Variants in TBCA observed in about 807,000 individuals in gnomAD.
TBCA encodes tubulin-specific chaperone A.
TBCA carries 6 observed loss-of-function variants against 15.8 expected under a neutral mutation model. The observed-to-expected ratio is 0.38, with a 90% CI of 0.21 to 0.75. TBCA has a LOEUF of 0.75. Ranked by LOEUF, TBCA falls within the 30% of genes least tolerant of loss-of-function variation. The probability of loss-of-function intolerance (pLI) is 0.46; values close to 1 mark genes in which losing one functional copy is unlikely to be tolerated. For synonymous variants in TBCA, 32 were observed against 42.3 expected (o/e 0.76, Z 0.94); for missense variants, 90 against 131.2 (o/e 0.69, Z 1.53).
At chr5:77,733,688 G>C (rs1580116315) in intron 1 of TBCA, among the ~76,000 whole-genome samples, 1 of 152,186 alleles carries the variant, frequency 6.6e-6, no homozygotes, top group East Asian at 1.9e-4. Context: ...AAGTGCAAGG[G>C]GAAGCAGCAA....
chr5:77,702,988 G>A (rs1290569717), intron 2 of TBCA, among the ~76,000 whole-genome samples: 1 of 152,088 alleles, frequency 6.6e-6, no homozygotes, highest in African/African-American at 2.4e-5. Flanking sequence ...TTTGTTGACT[G>A]AAGCCTCCTA....
chr5:77,710,113 C>T (rs1349559113), intron 1 of TBCA, among the ~76,000 whole-genome samples: 2 of 152,038 alleles, frequency 1.3e-5, no homozygotes, highest in East Asian at 1.9e-4. Context: ...TGTGAATCTA[C>T]TAAAAGCCAG....
intron 1 of TBCA, among the ~76,000 whole-genome samples, chr5:77,746,443 A>G (rs557885811): frequency 6.6e-6 from 1 of 152,306 alleles, no homozygotes; most frequent in East Asian, 1.9e-4. Context: ...GGATAAGGGA[A>G]GATTGTCATA....
At chr5:77,695,931 G>A (rs1416589541) in intron 2 of TBCA, among the ~76,000 whole-genome samples, 1 of 152,138 alleles carries the variant, frequency 6.6e-6, no homozygotes, top group Non-Finnish European at 1.5e-5. Context: ...AATGGAAGTT[G>A]GGAGTTAGTT....
At chr5:77,735,190 A>G (rs1317370232) in intron 1 of TBCA, among the ~76,000 whole-genome samples, 1 of 152,248 alleles carries the variant, frequency 6.6e-6, no homozygotes, top group Non-Finnish European at 1.5e-5. Flanking sequence ...TTGGTTATTA[A>G]CATCCTGAAT....
chr5:77,733,060 T>C (rs1293900297), intron 1 of TBCA, among the ~76,000 whole-genome samples: 2 of 152,244 alleles, frequency 1.3e-5, no homozygotes, highest in Middle Eastern at 3.4e-3. Flanking sequence ...GGCGGGTGGA[T>C]TGCTGAGGTC....
At chr5:77,714,662 G>T (rs1746358360) in intron 1 of TBCA, among the ~76,000 whole-genome samples, 1 of 151,708 alleles carries the variant, frequency 6.6e-6, no homozygotes, top group African/African-American at 2.4e-5. Flanking sequence ...CGCCTCCCAG[G>T]TTCATGCCAT....
At position 77,730,224 on chromosome 5, in the gene TBCA, A is replaced by G. The variant is rs372321156; in HGVS notation, c.54-21877T>C. The stretch of plus-strand genomic sequence containing the variant: ...GTAGATATAGTTATGATGGGGTCAT[A>G]ATGAATTGGGGTAGGCCATAAATCC... On this transcript the variant is annotated intron_variant, in intron 1 of 3. Coordinates refer to ENST00000380377, the MANE Select transcript of TBCA (RefSeq NM_004607.3). Among the ~76,000 whole-genome samples the G allele has an allele frequency of 3.9e-4, 60 of 152,288 alleles. No individual in the cohort carries two copies. The South Asian group carries it at 0.012, about 30-fold the overall frequency.
intron 1 of TBCA, among the ~76,000 whole-genome samples, chr5:77,765,087 A>C (rs1747739782): frequency 6.6e-6 from 1 of 152,202 alleles, no homozygotes; most frequent in Non-Finnish European, 1.5e-5. Context: ...ACTTTCCAAA[A>C]CAAAACAAAA....
intron 2 of TBCA, among the ~76,000 whole-genome samples, chr5:77,702,328 AT>A (rs1226596481): frequency 6.6e-6 from 1 of 152,238 alleles, no homozygotes; most frequent in Non-Finnish European, 1.5e-5. Flanking sequence ...AAACCATGGA[AT>A]ACTACTTAGC....
At chr5:77,701,483 C>T (rs918134369) in intron 2 of TBCA, among the ~76,000 whole-genome samples, 8 of 151,472 alleles carry the variant, frequency 5.3e-5, no homozygotes, top group African/African-American at 1.2e-4. Context: ...CTAGCACATT[C>T]GTGTGGAGAT....
At chr5:77,768,287 G>A (rs773759371) in intron 1 of TBCA, among the ~76,000 whole-genome samples, 4 of 152,040 alleles carry the variant, frequency 2.6e-5, no homozygotes, top group African/African-American at 4.8e-5. Context: ...TGCTTTACAT[G>A]ATTACCTTAT....
rs1489054272 is a variant in TBCA at position 77,750,149 on chromosome 5, TAG to T, written c.53+26054_53+26055del. On this transcript the variant is annotated intron_variant, in intron 1 of 3. Coordinates refer to ENST00000380377, the MANE Select transcript of TBCA (RefSeq NM_004607.3). ...AATTTGTGCTCTCTCTCTATATATA[TAG>T]AGAGAGAGCACAAATATATATATAT... Among the ~76,000 whole-genome samples the T allele has an allele frequency of 1.0e-3, 156 of 150,276 alleles. 1 individual carries two copies. The Middle Eastern group carries it at 0.024, about 23-fold the overall frequency.
chr5:77,730,429 G>A (rs1746739293), intron 1 of TBCA, among the ~76,000 whole-genome samples: 1 of 88,830 alleles, frequency 1.1e-5, no homozygotes, highest in Non-Finnish European at 3.1e-5. Context: ...TGGCCCTGCT[G>A]ACACCTTGAC....
intron 1 of TBCA, among the ~76,000 whole-genome samples, chr5:77,721,181 C>T (rs1055291888): frequency 6.6e-6 from 1 of 152,138 alleles, no homozygotes; most frequent in African/African-American, 2.4e-5. Flanking sequence ...ATATTTCCTA[C>T]AGCAATTATT....
chr5:77,705,471 T>C, intron 2 of TBCA: 2 of 396,576 alleles, frequency 5.0e-6, no homozygotes, highest in East Asian at 3.6e-5. Flanking sequence ...GTATATATCA[T>C]AATTTTAAGA....
intron 1 of TBCA, among the ~76,000 whole-genome samples, chr5:77,747,700 G>C (rs1478212242): frequency 1.3e-5 from 2 of 152,002 alleles, no homozygotes; most frequent in Non-Finnish European, 2.9e-5. Flanking sequence ...AGGTGCTATT[G>C]GTCTTTTAAA....
chr5:77,733,820 T>A (rs980314706), intron 1 of TBCA, among the ~76,000 whole-genome samples: 14 of 152,172 alleles, frequency 9.2e-5, no homozygotes, highest in Non-Finnish European at 1.5e-4. Flanking sequence ...TGGAAGAAAA[T>A]GTCATCTAGG....
chr5:77,699,055 A>AAAAAAAAAAAC (rs1745943851), intron 2 of TBCA, among the ~76,000 whole-genome samples: 1 of 150,842 alleles, frequency 6.6e-6, no homozygotes, highest in African/African-American at 2.4e-5. Flanking sequence ...AAAAAAAAAA[A>AAAAAAAAAAAC]AAAGAAATAC....
Sources: allele counts gnomAD v4.1 joint callset (sites outside exome capture counted in the v4.1 genomes callset), GRCh38; gene constraint gnomAD v4.1.1; transcripts MANE v1.5; gene names NCBI Gene and HGNC (gene_info 2026-07-23, HGNC 2026-07-21).